The following GABRB3 variants were observed in gnomAD, a reference collection of about 807,000 sequenced individuals.
The protein encoded by GABRB3 is gamma-aminobutyric acid type A receptor subunit beta3.
GABRB3 carries 14 observed loss-of-function variants against 52.1 expected under a neutral mutation model. The observed-to-expected ratio is 0.27, with a 90% CI of 0.18 to 0.42. The LOEUF is 0.42. GABRB3 is among the 10% of genes least tolerant of loss of function. The pLI, the probability that GABRB3 is intolerant of heterozygous loss-of-function variation, is 1.00. For missense variants in GABRB3, 307 were observed against 609.1 expected, an observed-to-expected ratio of 0.50 and a Z score of 5.22; for synonymous variants, 260 against 232.3, an observed-to-expected ratio of 1.12 and a Z score of -1.08.
At chr15:26,657,914 G>A (rs755574918) in intron 3 of GABRB3, among the ~76,000 whole-genome samples, 1 of 152,060 alleles carries the variant, frequency 6.6e-6, no homozygotes, top group Non-Finnish European at 1.5e-5. Context: ...AACAAACCCC[G>A]TTCTTACTTG....
chr15:26,645,916 C>T (rs543723461), intron 3 of GABRB3, among the ~76,000 whole-genome samples: 166 of 151,628 alleles, frequency 1.1e-3, no homozygotes, highest in Non-Finnish European at 2.0e-3. Flanking sequence ...GATGGAGTCT[C>T]GTGGCACAAG....
intron 3 of GABRB3, among the ~76,000 whole-genome samples, chr15:26,669,266 AG>A (rs1325849705): frequency 1.3e-5 from 2 of 152,156 alleles, no homozygotes; most frequent in East Asian, 3.9e-4. Context: ...CTTCCTACTT[AG>A]GGAAGTATCT....
rs1179931462 is a variant in GABRB3, at chr15:26,586,686, CAAAAAAAAA to C, written c.462-3281_462-3273del. On this transcript the variant is annotated intron_variant, in intron 4 of 8. Coordinates refer to ENST00000311550, the MANE Select transcript of GABRB3 (RefSeq NM_000814.6). ...CGACAAAGTGAGTAAGACTCCATCT[CAAAAAAAAA>C]AAAAAAAAAAGAGAGAGAGAGAAAG... is the stretch of plus-strand genomic sequence containing the variant. 4.1e-5 allele frequency among the ~76,000 whole-genome samples: 4 copies of C among 98,676 alleles called. No individual in the cohort carries two copies. The South Asian group carries it at 1.7e-3, about 43-fold the overall frequency. The allele number at this position is 98,676 out of a possible 152,430, so 64.7% of individuals were successfully genotyped here. A position where few individuals can be genotyped will look rare whatever the true frequency, so the allele number is the denominator to read the frequency against.
chr15:26,703,015 G>T (rs1706487865), intron 3 of GABRB3, among the ~76,000 whole-genome samples: 1 of 152,052 alleles, frequency 6.6e-6, no homozygotes, highest in South Asian at 2.1e-4. Flanking sequence ...AATCTCACAT[G>T]GTGGAAGAAG....
At chr15:26,729,170 C>T (rs367788492) in intron 3 of GABRB3, among the ~76,000 whole-genome samples, 1 of 151,900 alleles carries the variant, frequency 6.6e-6, no homozygotes, top group Non-Finnish European at 1.5e-5. Context: ...GGCAAGGGGC[C>T]GGGGGCCTCT....
At chr15:26,731,858 G>C (rs769652128) in intron 3 of GABRB3, among the ~76,000 whole-genome samples, 6 of 150,386 alleles carry the variant, frequency 4.0e-5, no homozygotes, top group Non-Finnish European at 8.9e-5. Flanking sequence ...AGGTAAATGT[G>C]GCTAAAATGA....
intron 3 of GABRB3, among the ~76,000 whole-genome samples, chr15:26,672,107 T>A (rs942771411): frequency 2.6e-5 from 4 of 152,196 alleles, no homozygotes; most frequent in African/African-American, 9.7e-5. Flanking sequence ...TCCTTTTCTT[T>A]GCGTGCTTAG....
At chr15:26,629,612 G>A (rs1892853901) in intron 3 of GABRB3, among the ~76,000 whole-genome samples, 2 of 152,082 alleles carry the variant, frequency 1.3e-5, no homozygotes, top group Non-Finnish European at 2.9e-5. Flanking sequence ...AAGTGTCCTC[G>A]TCCTTGGCTG....
chr15:26,678,169 A>T (rs1245887037), intron 3 of GABRB3, among the ~76,000 whole-genome samples: 1 of 152,106 alleles, frequency 6.6e-6, no homozygotes, highest in African/African-American at 2.4e-5. Context: ...CATAAGACCC[A>T]CTCAATCCTT....
intron 3 of GABRB3, among the ~76,000 whole-genome samples, chr15:26,652,064 A>G (rs1595509505): frequency 4.6e-5 from 7 of 152,140 alleles, no homozygotes; most frequent in Admixed American, 3.9e-4. Context: ...GCTGCCACCT[A>G]TGAGCCTTCC....
chr15:26,728,078 C>T (rs1207662639), intron 3 of GABRB3, among the ~76,000 whole-genome samples: 1 of 152,138 alleles, frequency 6.6e-6, no homozygotes, highest in Non-Finnish European at 1.5e-5. Flanking sequence ...CTGCCCATCC[C>T]AGACCATCCA....
intron 3 of GABRB3, among the ~76,000 whole-genome samples, chr15:26,759,288 T>TCTA (rs1333473224): frequency 6.6e-6 from 1 of 152,148 alleles, no homozygotes; most frequent in Non-Finnish European, 1.5e-5. Context: ...GGAGTCTCGC[T>TCTA]CTGTAGCCCA....
chr15:26,580,216 C>T (rs562479216), intron 6 of GABRB3, 103 bp downstream of exon 6: 35 of 1,368,776 alleles, frequency 2.6e-5, no homozygotes, highest in Non-Finnish European at 3.0e-5. Context: ...GCACTCCTTC[C>T]GATGATCCTG....
intron 3 of GABRB3, among the ~76,000 whole-genome samples, chr15:26,702,985 A>G (rs928281517): frequency 3.3e-5 from 5 of 152,188 alleles, no homozygotes; most frequent in Non-Finnish European, 7.3e-5. Context: ...TTCCTGGTTC[A>G]TAAATGGCCT....
chr15:26,655,419 C>A (rs1212355958), intron 3 of GABRB3, among the ~76,000 whole-genome samples: 1 of 152,156 alleles, frequency 6.6e-6, no homozygotes, highest in East Asian at 1.9e-4. Context: ...GGGGTGAATG[C>A]ACATTTTATG....
intron 3 of GABRB3, among the ~76,000 whole-genome samples, chr15:26,683,722 G>T (rs1888312435): frequency 6.6e-6 from 1 of 152,082 alleles, no homozygotes; most frequent in Admixed American, 6.5e-5. Flanking sequence ...CTAGGGGGCA[G>T]GGTCGGGGGG....
At chr15:26,736,527 A>T (rs1047723703) in intron 3 of GABRB3, among the ~76,000 whole-genome samples, 5 of 152,236 alleles carry the variant, frequency 3.3e-5, no homozygotes, top group African/African-American at 1.2e-4. Flanking sequence ...AGGCAACTTC[A>T]ATCCGGAGTT....
chr15:26,600,368 C>T (rs900982311), intron 4 of GABRB3, among the ~76,000 whole-genome samples: 1 of 151,194 alleles, frequency 6.6e-6, no homozygotes, highest in Non-Finnish European at 1.5e-5. Flanking sequence ...GTAATAGATA[C>T]AGAAGGAAAT....
At chr15:26,589,001 G>T (rs76445829) in intron 4 of GABRB3, among the ~76,000 whole-genome samples, 2,440 of 152,256 alleles carry the variant, frequency 0.016, 58 homozygotes, top group African/African-American at 0.055. Flanking sequence ...TGAGATTCTG[G>T]TGACGCACTG....
Sources: gnomAD v4.1 joint callset for allele counts (sites outside exome capture counted in the v4.1 genomes callset) on GRCh38, gnomAD v4.1.1 for gene constraint, MANE v1.5 for transcripts, NCBI Gene and HGNC (gene_info 2026-07-23, HGNC 2026-07-21) for gene names.